The following PDLIM7 variants were observed in gnomAD, a reference collection of about 807,000 sequenced individuals.
The protein encoded by PDLIM7 is PDZ and LIM domain protein 7.
PDLIM7 carries 37 observed loss-of-function variants against 53.9 expected under a neutral mutation model. The ratio of observed to expected loss-of-function variants is 0.69; its 90% CI spans 0.53 to 0.90. The LOEUF (loss-of-function observed/expected upper bound fraction) is 0.90, where lower values mean the gene tolerates loss of function less well. Among genes scored for constraint, PDLIM7 ranks in the 40% least tolerant of loss-of-function variants. The pLI is 0.00. For synonymous variants in PDLIM7, 300 were observed against 261.3 expected, an observed-to-expected ratio of 1.15 and a Z score of -1.43; for missense variants, 617 against 638.5, an observed-to-expected ratio of 0.97 and a Z score of 0.36.
chr5:177,492,259 A>C, intron 4 of PDLIM7, 146 bp downstream of exon 4: 1 of 996,936 alleles, frequency 1.0e-6, no homozygotes, highest in South Asian at 1.6e-5. Context: ...GCTCAACTCC[A>C]GGGCCCTAGA....
intron 5 of PDLIM7, 128 bp from the exon 6 acceptor site, chr5:177,491,274 G>A: frequency 7.0e-7 from 1 of 1,431,580 alleles, no homozygotes; most frequent in Non-Finnish European, 9.6e-7. Context: ...GAGGCCAGGA[G>A]CCCTGCTGGG....
chr5:177,489,744 C>T, intron 8 of PDLIM7, 27 bp downstream of exon 8: 1 of 1,511,154 alleles, frequency 6.6e-7, no homozygotes, highest in Non-Finnish European at 8.9e-7. Flanking sequence ...CCCACCCTTG[C>T]CCAGGCCCGA....
chr5:177,491,687 G>A (rs1003899184), intron 5 of PDLIM7, 120 bp downstream of exon 5: 3 of 667,744 alleles, frequency 4.5e-6, no homozygotes, highest in African/African-American at 3.8e-5. Context: ...GCCGCCAGGG[G>A]GCGCTGCCGC....
intron 7 of PDLIM7, 154 bp downstream of exon 7, chr5:177,490,716 A>AGGAG (rs1758716063): frequency 5.6e-5 from 3 of 53,696 alleles, no homozygotes; most frequent in Admixed American, 5.8e-4. Context: ...GAGGAAGGGA[A>AGGAG]GGAAGGAAGG....
intron 2 of PDLIM7, chr5:177,493,021 G>A (rs868690210): frequency 4.7e-5 from 14 of 299,416 alleles, no homozygotes; most frequent in Middle Eastern, 2.1e-3. Context: ...AAACAGCCAC[G>A]CTCAGGCTAA....
chr5:177,491,760 A>T, intron 5 of PDLIM7, 47 bp downstream of exon 5: 1 of 927,440 alleles, frequency 1.1e-6, no homozygotes, highest in South Asian at 3.4e-5. Context: ...GCGTGGGGCC[A>T]CAGTGGGCCT....
At chr5:177,486,433 G>A (rs1457628164) in intron 10 of PDLIM7, among the ~76,000 whole-genome samples, 3 of 152,072 alleles carry the variant, frequency 2.0e-5, no homozygotes, top group East Asian at 3.9e-4. Context: ...AGAGCAACTA[G>A]CCCCTGCTCA....
chr5:177,491,051 C>A lies in PDLIM7; in HGVS notation c.494G>T (p.Arg165Leu), dbSNP rs370533591. Residue 165 changes from arginine to leucine, a missense_variant, in exon 6 of 13, where the codon CGT (arginine) becomes CTT (leucine). Physicochemically the swap from Arg to Leu is moderately radical, Grantham distance 102. Coordinates refer to ENST00000355841, the MANE Select transcript of PDLIM7 (RefSeq NM_005451.5). ...WRPRPGTGQS[R>L]SFRILAHLTG... ...GAGGTGGGCAAGGATGCGGAAGGAA[C>A]GCGACTGGCCTGTCCCCGGCCGCGG... 1 of 1,612,030 alleles carries A rather than the reference C, an allele frequency of 6.2e-7. No homozygotes were observed.
intron 10 of PDLIM7, among the ~76,000 whole-genome samples, chr5:177,486,553 T>C (rs534077804): frequency 2.6e-5 from 4 of 152,318 alleles, no homozygotes; most frequent in African/African-American, 7.2e-5. Flanking sequence ...GTGAAGGAAC[T>C]TGGGCTTTGA....
chr5:177,488,945 G>A (rs1277959455), intron 9 of PDLIM7, among the ~76,000 whole-genome samples: 3 of 152,160 alleles, frequency 2.0e-5, no homozygotes, highest in African/African-American at 7.2e-5. Flanking sequence ...CTGCGAATTA[G>A]GAAGGCTCTA....
In PDLIM7 at chr5:177,489,384, G is replaced by C. The variant is rs913931402; in HGVS notation, c.869+9C>G. On this transcript the variant is annotated intron_variant, in intron 9 of 12. Transcript: ENST00000355841. ...GAAAGCCAGGGTCGGACAGGAACAG[G>C]CCACCCACCGGATGACCTTGTGGCA... 5.8e-6 allele frequency: 9 copies of C among 1,546,126 alleles called. No individual in the cohort carries two copies. In the African/African-American group the frequency reaches 1.2e-4, roughly 21 times the overall value.
intron 10 of PDLIM7, 34 bp downstream of exon 10, chr5:177,488,030 GGCTT>G (rs1296225568): frequency 6.5e-7 from 1 of 1,548,104 alleles, no homozygotes; most frequent in Admixed American, 1.8e-5. Context: ...CCCACTGACA[GGCTT>G]GGGACCACCT....
In PDLIM7 at chr5:177,483,906, G is replaced by T; in HGVS notation, c.1248C>A (p.Ala416=). Residue 416 remains alanine, a synonymous_variant, in exon 12 of 13, where the codon GCC becomes GCA. Coordinates refer to ENST00000355841, the MANE Select transcript of PDLIM7 (RefSeq NM_005451.5). ...KIDAGDRFLE[A]LGFSWHDTCF... is the part of the protein sequence containing the mutation. The stretch of plus-strand genomic sequence containing the variant: ...AGGTGTCATGCCAGCTGAAGCCCAG[G>T]GCCTCCAGGAAGCGGTCCCCAGCGT... 1 of 1,613,830 alleles carries T rather than the reference G, an allele frequency of 6.2e-7. No individual in the cohort carries two copies. The highest frequency in any genetic ancestry group is 1.7e-4 in the Middle Eastern group (1 of 6,058).
intron 7 of PDLIM7, chr5:177,490,086 T>A (rs1758671880): frequency 6.6e-7 from 1 of 1,526,320 alleles, no homozygotes; most frequent in Non-Finnish European, 8.8e-7. Context: ...GTTCCCCTCA[T>A]GCCAGGAAGC....
Position 177,489,631 on chromosome 5 carries a change from C to A in PDLIM7, c.635-4G>T. On this transcript the variant is annotated splice_polypyrimidine_tract_variant and splice_region_variant and intron_variant, in intron 8 of 12. Coordinates refer to ENST00000355841, the MANE Select transcript of PDLIM7 (RefSeq NM_005451.5). ...GTAGGGCTGGGGGCGGTAGGGCCTG[C>A]CGGGGAAAGTGACTCTAAAGGGGTG... The A allele has an allele frequency of 6.3e-7, 1 of 1,581,452 alleles. No individual in the cohort carries two copies. The highest frequency in any genetic ancestry group is 8.6e-7 in the Non-Finnish European group (1 of 1,166,356).
chr5:177,491,471 A>G (rs1758779637), intron 5 of PDLIM7: 1 of 1,420,916 alleles, frequency 7.0e-7, no homozygotes, highest in East Asian at 2.5e-5. Flanking sequence ...AGGGACAGAC[A>G]CAGGAGAGGA....
chr5:177,491,942 C>T lies in PDLIM7; in HGVS notation c.280-17G>A. On this transcript the variant is annotated splice_polypyrimidine_tract_variant and intron_variant, in intron 4 of 12. Transcript: ENST00000355841. Reference sequence around the variant, plus strand: ...GGCGGAGGCCTGGGCAGAGACACAGCCGGGCAGGGCGGGCGGGCAGGGTAA... The same window carrying T: ...GGCGGAGGCCTGGGCAGAGACACAGTCGGGCAGGGCGGGCGGGCAGGGTAA... The T allele has an allele frequency of 5.9e-6, 2 of 336,684 alleles. No homozygotes were observed. Among genetic ancestry groups the T allele is most frequent in the Non-Finnish European group, 4.8e-6 (1 of 209,544 alleles). The allele number at this position is 336,684 out of a possible 1,614,324, so 20.9% of individuals were successfully genotyped here. A position where few individuals can be genotyped will look rare whatever the true frequency, so the allele number is the denominator to read the frequency against.
rs190918156 is a variant in PDLIM7, at chr5:177,484,841, T to C, written c.1051-651A>G. 224 of 155,584 alleles carry C rather than the reference T, an allele frequency of 1.4e-3. 1 individual carries two copies. The highest frequency in any genetic ancestry group is 2.5e-3 in the Non-Finnish European group (173 of 70,212). 9.6% of individuals were successfully genotyped at this position (155,584 alleles called of 1,614,324 possible). On this transcript the variant is annotated intron_variant, in intron 10 of 12. Coordinates refer to ENST00000355841, the MANE Select transcript of PDLIM7 (RefSeq NM_005451.5). The stretch of plus-strand genomic sequence containing the variant: ...ACTGCTCTCCCTTGCGTTCTCACCT[T>C]GCCTCTGCACACTGGCCTCTTGCCT...
intron 1 of PDLIM7, among the ~76,000 whole-genome samples, chr5:177,497,108 G>A (rs1561708267): frequency 6.6e-6 from 1 of 151,016 alleles, no homozygotes; most frequent in Non-Finnish European, 1.5e-5. Flanking sequence ...GGGAGCCAGG[G>A]CGGGACCCCT....
Sources: allele counts gnomAD v4.1 joint callset (sites outside exome capture counted in the v4.1 genomes callset), GRCh38; gene constraint gnomAD v4.1.1; transcripts MANE v1.5; gene names NCBI Gene and HGNC (gene_info 2026-07-23, HGNC 2026-07-21).